KCNQ2: variants seen among roughly 807,000 people sequenced by gnomAD.
KCNQ2 encodes the protein potassium voltage-gated channel subfamily Q member 2.
Under a neutral mutation model 84.8 loss-of-function variants are expected in KCNQ2, and 14 were observed. The observed-to-expected ratio is 0.17, with a 90% CI of 0.11 to 0.26. KCNQ2 has a LOEUF of 0.26. Ranked by LOEUF, KCNQ2 falls within the 10% of genes least tolerant of loss-of-function variation. The probability of loss-of-function intolerance (pLI) is 1.00; values close to 1 mark genes in which losing one functional copy is unlikely to be tolerated. For missense variants in KCNQ2, 788 were observed against 1,254.0 expected (o/e 0.63, Z 5.61); for synonymous variants, 599 against 554.1 (o/e 1.08, Z -1.14).
intron 15 of KCNQ2, among the ~76,000 whole-genome samples, chr20:63,412,611 G>C (rs1397769145): frequency 6.6e-6 from 1 of 152,222 alleles, no homozygotes; most frequent in Non-Finnish European, 1.5e-5. Context: ...GACTTCCTCA[G>C]ATGAGAGCTT....
chr20:63,459,547 G>T (rs911899428), intron 1 of KCNQ2: 1 of 152,160 alleles, frequency 6.6e-6, no homozygotes, highest in Non-Finnish European at 1.5e-5. Flanking sequence ...TAACAGGCAC[G>T]TCACAGAGAC....
intron 5 of KCNQ2, among the ~76,000 whole-genome samples, chr20:63,440,501 CAG>C (rs1294439149): frequency 1.3e-5 from 2 of 152,200 alleles, no homozygotes. Flanking sequence ...GCCACGGGCT[CAG>C]GACAGCCGCA....
rs889532997 is a variant in KCNQ2, at chr20:63,407,163, G to T, written c.2100C>A (p.Asn700Lys). 17 of 1,600,240 alleles carry T rather than the reference G, an allele frequency of 1.1e-5. No homozygotes were observed. Among genetic ancestry groups the T allele is most frequent in the Non-Finnish European group, 1.4e-5 (17 of 1,176,456 alleles). The stretch of plus-strand genomic sequence containing the variant: ...GGGGCGCGGCCGGGGGCGCCGAGAA[G>T]TTCTTCTGGCCCGTGGAGCTGCTGG... ...VRSSSSTGQK[N>K]FSAPPAAPPV... The change falls in exon 17 of 17, where the codon AAC (asparagine) becomes AAA (lysine). Residue 700 changes from asparagine to lysine, a missense_variant. This residue lies in a region of KCNQ2 where 378 missense variants were observed against 434.5 expected (regional missense o/e 0.87). Coordinates refer to ENST00000359125, the MANE Select transcript of KCNQ2 (RefSeq NM_172107.4). The surrounding 1 kb of genome is among the most constrained non-coding windows in gnomAD (Gnocchi z 7.2).
At position 63,438,421 on chromosome 20, in the gene KCNQ2, C is replaced by T; in HGVS notation, c.1023+204G>A. 3.2e-6 allele frequency: 2 copies of T among 632,984 alleles called. No individual in the cohort carries two copies. The highest frequency in any genetic ancestry group is 5.7e-6 in the Non-Finnish European group (2 of 349,570). 39.2% of individuals were successfully genotyped at this position (632,984 alleles called of 1,614,324 possible). On this transcript the variant is annotated intron_variant, in intron 7 of 16. Coordinates refer to ENST00000359125, the MANE Select transcript of KCNQ2 (RefSeq NM_172107.4). The surrounding 1 kb of genome is among the most constrained non-coding windows in gnomAD (Gnocchi z 5.1). The stretch of plus-strand genomic sequence containing the variant: ...GCCACCCCAGCGTCCTCACACGAGC[C>T]ACCCCTGTGCAGCCTCAGGGGTTGG...
chr20:63,467,595 A>G (rs1046508630), intron 1 of KCNQ2, among the ~76,000 whole-genome samples: 1 of 152,178 alleles, frequency 6.6e-6, no homozygotes, highest in African/African-American at 2.4e-5. Context: ...GGACTTGCTG[A>G]GTGTGCACAC....
Position 63,434,217 on chromosome 20 carries a change from C to A in KCNQ2, c.1024-314G>T, listed in dbSNP as rs901771543. 1 of 406,608 alleles carries A rather than the reference C, an allele frequency of 2.5e-6. No individual in the cohort carries two copies. Among genetic ancestry groups the A allele is most frequent in the Admixed American group, 4.2e-5 (1 of 23,544 alleles). The allele number at this position is 406,608 out of a possible 1,614,324, so 25.2% of individuals were successfully genotyped here. ...TTTCCTTTTCATGACTCTTACCTGG[C>A]CCCTGGCGGGTATCACCTGTCCTGG... On this transcript the variant is annotated intron_variant, in intron 7 of 16. Coordinates refer to ENST00000359125, the MANE Select transcript of KCNQ2 (RefSeq NM_172107.4).
intron 1 of KCNQ2, chr20:63,448,263 C>T (rs1048760486): frequency 7.9e-5 from 12 of 152,414 alleles, no homozygotes; most frequent in African/African-American, 2.9e-4. Flanking sequence ...GTGAAGGGGA[C>T]GTGTCCAACG....
intron 1 of KCNQ2, among the ~76,000 whole-genome samples, chr20:63,467,370 G>A (rs939986106): frequency 4.6e-5 from 7 of 152,180 alleles, no homozygotes; most frequent in Admixed American, 2.6e-4. Flanking sequence ...GCTCCTCTAC[G>A]GCTGCGGAAC....
intron 4 of KCNQ2, chr20:63,443,815 CCT>C (rs557632492): frequency 1.4e-4 from 21 of 152,284 alleles, no homozygotes; most frequent in African/African-American, 4.6e-4. Flanking sequence ...AGCCCATTCC[CCT>C]GAGCCTCCTG....
At position 63,472,203 on chromosome 20, in the gene KCNQ2, C is replaced by T; in HGVS notation, c.261G>A (p.Arg87=). 6.5e-7 allele frequency: 1 copy of T among 1,537,258 alleles called. No homozygotes were observed. The change falls in exon 1 of 17, where the codon CGG becomes CGA. Residue 87 remains arginine (R), a synonymous_variant. Coordinates refer to ENST00000359125, the MANE Select transcript of KCNQ2 (RefSeq NM_172107.4). ...GGTAGATGAACGCCCAGCCGCGCGG[C>T]CGCTCCAGCACGTTGTAGAGGAAAT... ...LQNFLYNVLE[R]PRGWAFIYHA...
intron 7 of KCNQ2, among the ~76,000 whole-genome samples, chr20:63,436,563 C>A (rs932564669): frequency 1.3e-5 from 2 of 152,042 alleles, no homozygotes; most frequent in African/African-American, 4.8e-5. Flanking sequence ...CAGCCCCAGC[C>A]TTCAGCAGCC....
chr20:63,435,127 C>A (rs185298866), intron 7 of KCNQ2, among the ~76,000 whole-genome samples: 1 of 152,180 alleles, frequency 6.6e-6, no homozygotes, highest in Non-Finnish European at 1.5e-5. Flanking sequence ...CCTGGCCTGG[C>A]GCAGAGGCTC....
chr20:63,441,799 C>T (rs2145731208), intron 5 of KCNQ2, among the ~76,000 whole-genome samples: 1 of 152,372 alleles, frequency 6.6e-6, no homozygotes. Context: ...TCAGCTGCAT[C>T]CGGCTTAGGC....
intron 9 of KCNQ2, among the ~76,000 whole-genome samples, chr20:63,430,589 C>T (rs1281821260): frequency 6.6e-6 from 1 of 152,242 alleles, no homozygotes; most frequent in African/African-American, 2.4e-5. Context: ...AGAGCACAAG[C>T]CTGCCCACCC....
At chr20:63,461,970 G>A (rs2081966428) in intron 1 of KCNQ2, among the ~76,000 whole-genome samples, 4 of 129,256 alleles carry the variant, frequency 3.1e-5, no homozygotes, top group Non-Finnish European at 4.9e-5. Flanking sequence ...CAGGCAGCAG[G>A]GAGGAGGCAG....
intron 1 of KCNQ2, among the ~76,000 whole-genome samples, chr20:63,461,805 C>T (rs1451942115): frequency 3.5e-5 from 5 of 144,478 alleles, no homozygotes; most frequent in African/African-American, 5.2e-5. Flanking sequence ...GCTGCACCCA[C>T]CCCAGGGAGC....
chr20:63,400,729 G>A lies in KCNQ2; in HGVS notation c.*5915C>T, dbSNP rs377214515. On this transcript the variant is annotated 3_prime_UTR_variant, in exon 17 of 17. Transcript: ENST00000359125. This position sits in a 1 kb window ranked among gnomAD's most constrained non-coding sequence, Gnocchi z 8.7. ...CGGGCATGGCGGGCACACGTGGGCC[G>A]TGTGGATCCCGGGCAGAGGGATGGC... 3.4e-4 allele frequency: 134 copies of A among 398,582 alleles called. No individual in the cohort carries two copies. Among genetic ancestry groups the A allele is most frequent in the African/African-American group, 2.4e-3 (115 of 48,760 alleles). The allele number at this position is 398,582 out of a possible 1,614,324, so 24.7% of individuals were successfully genotyped here.
chr20:63,455,763 C>T (rs1231310802), intron 1 of KCNQ2, among the ~76,000 whole-genome samples: 3 of 151,830 alleles, frequency 2.0e-5, no homozygotes, highest in South Asian at 2.1e-4. Context: ...CCTCTACTCA[C>T]GGGGCCCCCA....
Position 63,415,076 on chromosome 20 carries a change from G to A in KCNQ2, c.1352C>T (p.Ala451Val), listed in dbSNP as rs774027338. ...CTGCGGGGACCCCTTCCCCTTGGCA[G>A]CCACGCCTCGGGGGCTGGAGAAGAC... ...DRVFSSPRGV[A>V]AKGKGSPQAQ... is the part of the protein sequence containing the mutation. The change falls in exon 13 of 17, where the codon GCT becomes GTT. Residue 451 changes from alanine to valine, a missense_variant. Ala to Val is a moderately conservative substitution (Grantham distance 64). Transcript: ENST00000359125. 2.5e-6 allele frequency: 4 copies of A among 1,605,670 alleles called. No individual in the cohort carries two copies. Among genetic ancestry groups the A allele is most frequent in the Middle Eastern group, 1.6e-4 (1 of 6,084 alleles).
Sources: allele counts gnomAD v4.1 joint callset (sites outside exome capture counted in the v4.1 genomes callset), GRCh38; gene constraint gnomAD v4.1.1; regional missense constraint gnomAD v4.1.1; non-coding constraint Gnocchi (gnomAD v3.1); transcripts MANE v1.5; gene names NCBI Gene and HGNC (gene_info 2026-07-23, HGNC 2026-07-21).